Variants in LRRIQ1 observed in about 807,000 individuals in gnomAD.
LRRIQ1 encodes leucine rich repeats and IQ motif containing 1.
LRRIQ1 carries 210 observed loss-of-function variants against 211.9 expected under a neutral mutation model. The observed-to-expected ratio is 0.99, with a 90% confidence interval of 0.89 to 1.11. The LOEUF (loss-of-function observed/expected upper bound fraction) is 1.11. Among genes scored for constraint, LRRIQ1 ranks in the 50% most tolerant of loss-of-function variants. LRRIQ1 has a pLI of 0.00. For synonymous variants in LRRIQ1, 699 were observed against 650.1 expected (o/e 1.08, Z -1.14); for missense variants, 2,136 against 1,939.5 (o/e 1.10, Z -1.90).
chr12:85,138,330 A>G (rs995730909), intron 19 of LRRIQ1, among the ~76,000 whole-genome samples: 1 of 151,606 alleles, frequency 6.6e-6, no homozygotes, highest in African/African-American at 2.4e-5. Context: ...CATAAGTTGC[A>G]TTTAGTTGTC....
chr12:85,088,431 T>C (rs566525198), intron 11 of LRRIQ1, among the ~76,000 whole-genome samples: 2 of 152,198 alleles, frequency 1.3e-5, no homozygotes, highest in East Asian at 3.9e-4. Flanking sequence ...CAATGTGGGC[T>C]CTTTTTTGGT....
intron 24 of LRRIQ1, among the ~76,000 whole-genome samples, chr12:85,218,298 G>A (rs1223987118): frequency 1.3e-5 from 2 of 151,818 alleles, no homozygotes; most frequent in African/African-American, 4.8e-5. Flanking sequence ...CCTCCTGTCA[G>A]TGACCCCCTA....
chr12:85,039,419 A>T (rs540063327), intron 2 of LRRIQ1, among the ~76,000 whole-genome samples: 1 of 151,776 alleles, frequency 6.6e-6, no homozygotes, highest in South Asian at 2.1e-4. Context: ...GTTAAACAAG[A>T]AATAGAAATC....
chr12:85,170,201 C>T (rs1252808339), intron 24 of LRRIQ1, among the ~76,000 whole-genome samples: 7 of 151,532 alleles, frequency 4.6e-5, no homozygotes, highest in African/African-American at 1.2e-4. Flanking sequence ...GTATTTCCCC[C>T]TAATTCTGCC....
intron 24 of LRRIQ1, among the ~76,000 whole-genome samples, chr12:85,186,636 C>G (rs1054044504): frequency 3.3e-5 from 5 of 152,044 alleles, no homozygotes; most frequent in Admixed American, 2.0e-4. Context: ...CATTTCACAA[C>G]TAGTGAAATA....
At chr12:85,130,866 G>C (rs1269731559) in intron 18 of LRRIQ1, among the ~76,000 whole-genome samples, 2 of 152,046 alleles carry the variant, frequency 1.3e-5, no homozygotes, top group African/African-American at 4.8e-5. Context: ...AGCCAGACTA[G>C]ATTTCCAAGC....
chr12:85,223,166 T>C (rs1172885353), intron 24 of LRRIQ1, among the ~76,000 whole-genome samples: 1 of 152,018 alleles, frequency 6.6e-6, no homozygotes, highest in East Asian at 1.9e-4. Context: ...AAGATAGAGG[T>C]TGGTGATACC....
At chr12:85,155,026 A>T (rs1344806746) in intron 23 of LRRIQ1, among the ~76,000 whole-genome samples, 1 of 151,302 alleles carries the variant, frequency 6.6e-6, no homozygotes, top group African/African-American at 2.4e-5. Context: ...TAAATATAAC[A>T]TTTTAAAACA....
intron 24 of LRRIQ1, among the ~76,000 whole-genome samples, chr12:85,220,087 G>A (rs968571185): frequency 5.9e-5 from 9 of 151,958 alleles, no homozygotes; most frequent in African/African-American, 1.5e-4. Context: ...TAGTATTGCC[G>A]ACATAAGATA....
At chr12:85,156,458 A>G (rs1173278518) in intron 23 of LRRIQ1, among the ~76,000 whole-genome samples, 3 of 151,766 alleles carry the variant, frequency 2.0e-5, no homozygotes, top group African/African-American at 7.2e-5. Context: ...AACTTATTTC[A>G]TTTTGTATCT....
chr12:85,061,300 A>G (rs534717184), intron 8 of LRRIQ1, among the ~76,000 whole-genome samples: 37 of 151,912 alleles, frequency 2.4e-4, no homozygotes, highest in Middle Eastern at 6.8e-3. Context: ...TCATACATGT[A>G]TCCATAATTA....
intron 1 of LRRIQ1, among the ~76,000 whole-genome samples, chr12:85,260,762 A>G (rs959162928): frequency 3.3e-5 from 5 of 152,302 alleles, no homozygotes; most frequent in Admixed American, 1.3e-4. Context: ...TTGTTTTTTA[A>G]AATGGACCAA....
intron 24 of LRRIQ1, among the ~76,000 whole-genome samples, chr12:85,187,007 G>A (rs773934482): frequency 2.6e-5 from 4 of 152,088 alleles, no homozygotes; most frequent in Non-Finnish European, 2.9e-5. Context: ...ATCACTCAGA[G>A]TTTTAATCAG....
intron 26 of LRRIQ1, 35 bp downstream of exon 26, chr12:85,232,791 G>C (rs1378621626): frequency 7.0e-7 from 1 of 1,426,704 alleles, no homozygotes; most frequent in East Asian, 2.3e-5. Flanking sequence ...GAAAAATGTT[G>C]TAGACACTAG....
At position 85,056,340 on chromosome 12, in the gene LRRIQ1, A is replaced by T. The variant is rs1437542810; in HGVS notation, c.1547A>T (p.Asp516Val). The change falls in exon 8 of 27, where the codon GAT becomes GTT. Residue 516 changes from aspartate (D) to valine (V), a missense_variant. Transcript: ENST00000393217. The stretch of plus-strand genomic sequence containing the variant: ...AACAAAACTGAATTGGGAAACTCTG[A>T]TCTAAAAGGAAATCTGAAAGAACAG... The part of the protein sequence containing the change: ...TDNKTELGNS[D>V]LKGNLKEQFP... 2 of 1,596,364 alleles carry T rather than the reference A, an allele frequency of 1.3e-6. No homozygotes were observed. Among genetic ancestry groups the T allele is most frequent in the African/African-American group, 1.4e-5 (1 of 73,748 alleles).
intron 8 of LRRIQ1, among the ~76,000 whole-genome samples, chr12:85,062,713 A>G (rs1411511928): frequency 2.6e-5 from 4 of 151,650 alleles, no homozygotes. Context: ...TTTGATATAT[A>G]TCCAGTAATG....
At chr12:85,120,119 G>A (rs1293523118) in intron 15 of LRRIQ1, among the ~76,000 whole-genome samples, 1 of 152,042 alleles carries the variant, frequency 6.6e-6, no homozygotes, top group Non-Finnish European at 1.5e-5. Context: ...TCATACCAAA[G>A]GTCATCTAGA....
chr12:85,155,434 C>G (rs1451208014), intron 23 of LRRIQ1, among the ~76,000 whole-genome samples: 1 of 151,546 alleles, frequency 6.6e-6, no homozygotes, highest in Non-Finnish European at 1.5e-5. Context: ...GATTCTCTTT[C>G]AGTTCTCTAG....
At chr12:85,075,649 G>T in intron 11 of LRRIQ1, among the ~76,000 whole-genome samples, 1 of 151,978 alleles carries the variant, frequency 6.6e-6, no homozygotes, top group East Asian at 1.9e-4. Flanking sequence ...CCTCCCAGCA[G>T]GCCCCACCTC....
Sources: gnomAD v4.1 joint callset for allele counts (sites outside exome capture counted in the v4.1 genomes callset) on GRCh38, gnomAD v4.1.1 for gene constraint, MANE v1.5 for transcripts, NCBI Gene and HGNC (gene_info 2026-07-23, HGNC 2026-07-21) for gene names.